Variants in KIF26B observed in about 807,000 individuals in gnomAD.
The protein encoded by KIF26B is kinesin family member 26B, also known as kinesin-like protein KIF26B.
A neutral mutation model predicts 151.2 loss-of-function variants in KIF26B; 63 were observed. That is an observed-to-expected ratio of 0.42 (90% CI 0.34 to 0.51). The LOEUF is 0.51. KIF26B is among the 20% of genes least tolerant of loss of function. KIF26B has a pLI of 0.07. For missense variants in KIF26B, 2,813 were observed against 2,913.6 expected, an observed-to-expected ratio of 0.97 and a Z score of 0.79; for synonymous variants, 1,357 against 1,262.1, an observed-to-expected ratio of 1.08 and a Z score of -1.59.
At position 245,495,648 on chromosome 1, in the gene KIF26B, TC is replaced by T. The variant is rs1660497839; in HGVS notation, c.1167-45117del. ...GTATCCATTAATGAACCTCTCCCCA[TC>T]CACCTCTCCTTCCTACCTTTCTCAG... On this transcript the variant is annotated intron_variant, in intron 4 of 14. Transcript: ENST00000407071. The surrounding 1 kb of genome is among the most constrained non-coding windows in gnomAD (Gnocchi z 4.2). 6.6e-6 allele frequency among the ~76,000 whole-genome samples: 1 copy of T among 152,200 alleles called. No homozygotes were observed. Among genetic ancestry groups the T allele is most frequent in the Non-Finnish European group, 1.5e-5 (1 of 68,036 alleles).
intron 5 of KIF26B, among the ~76,000 whole-genome samples, chr1:245,552,122 G>GGTGTGTGTGTGT (rs55650522): frequency 2.4e-4 from 32 of 131,612 alleles, no homozygotes; most frequent in South Asian, 7.8e-4. Flanking sequence ...GAACCAGCAG[G>GGTGTGTGTGTGT]GTGTGTGTGT....
At chr1:245,169,564 G>A (rs897196478) in intron 2 of KIF26B, among the ~76,000 whole-genome samples, 2 of 151,444 alleles carry the variant, frequency 1.3e-5, no homozygotes, top group Admixed American at 6.6e-5. Context: ...CAGAGGAAGC[G>A]GTTGGCAGCT....
intron 4 of KIF26B, among the ~76,000 whole-genome samples, chr1:245,514,628 G>A (rs2103086001): frequency 6.6e-6 from 1 of 152,264 alleles, no homozygotes; most frequent in South Asian, 2.1e-4. Flanking sequence ...AATGACCTGT[G>A]AAAAATGCCT....
chr1:245,658,227 A>T (rs899956976), intron 10 of KIF26B, among the ~76,000 whole-genome samples: 1 of 152,098 alleles, frequency 6.6e-6, no homozygotes, highest in African/African-American at 2.4e-5. Context: ...CTTAATCTTC[A>T]TTGCTGTACG....
Position 245,227,200 on chromosome 1 carries a change from G to T in KIF26B, c.465+70517G>T, listed in dbSNP as rs945421928. Among the ~76,000 whole-genome samples, 1 of 152,102 alleles carries T rather than the reference G, an allele frequency of 6.6e-6. No individual in the cohort carries two copies. Among genetic ancestry groups the T allele is most frequent in the Non-Finnish European group, 1.5e-5 (1 of 68,018 alleles). ...TGTCTGTCTGGTTGAGCTGAAACGT[G>T]GGCAGATCAGAAAGGAAGGAAAACT... On this transcript the variant is annotated intron_variant, in intron 2 of 14. Transcript: ENST00000407071. This position sits in a 1 kb window ranked among gnomAD's most constrained non-coding sequence, Gnocchi z 4.1.
chr1:245,486,381 GC>G (rs1267901925), intron 4 of KIF26B, among the ~76,000 whole-genome samples: 3 of 110,706 alleles, frequency 2.7e-5, no homozygotes, highest in Non-Finnish European at 6.2e-5. Context: ...GATAGAGTTG[GC>G]AATTTAAGGG....
chr1:245,460,754 TG>T (rs1208993593), intron 4 of KIF26B, among the ~76,000 whole-genome samples: 3 of 152,208 alleles, frequency 2.0e-5, no homozygotes, highest in Non-Finnish European at 2.9e-5. Flanking sequence ...TGTATCGGTG[TG>T]GGTATGTGCA....
intron 4 of KIF26B, among the ~76,000 whole-genome samples, chr1:245,434,997 A>ATCCATCCATCCATCCATCTC (rs1658871317): frequency 2.7e-5 from 4 of 149,094 alleles, no homozygotes; most frequent in Admixed American, 2.7e-4. Flanking sequence ...CCATCCATCC[A>ATCCATCCATCCATCCATCTC]TCCATCCATC....
chr1:245,436,005 C>T (rs879503112), intron 4 of KIF26B, among the ~76,000 whole-genome samples: 7 of 152,014 alleles, frequency 4.6e-5, no homozygotes, highest in South Asian at 2.1e-4. Flanking sequence ...GACAAAACCC[C>T]GTCCCTACTA....
rs1008982099 is a variant in KIF26B at position 245,244,586 on chromosome 1, C to G, written c.465+87903C>G. Among the ~76,000 whole-genome samples, 3 of 152,070 alleles carry G rather than the reference C, an allele frequency of 2.0e-5. No individual in the cohort carries two copies. The highest frequency in any genetic ancestry group is 7.2e-5 in the African/African-American group (3 of 41,426). On this transcript the variant is annotated intron_variant, in intron 2 of 14. Transcript: ENST00000407071. The surrounding 1 kb of genome is among the most constrained non-coding windows in gnomAD (Gnocchi z 4.2). The stretch of plus-strand genomic sequence containing the variant: ...TGAGGGGGACATTTACGTCATGGAA[C>G]ACAGAGGAAGACTCATGAAATGGCA...
At chr1:245,501,363 C>T (rs967645147) in intron 4 of KIF26B, among the ~76,000 whole-genome samples, 9 of 152,116 alleles carry the variant, frequency 5.9e-5, no homozygotes, top group Admixed American at 1.3e-4. Flanking sequence ...TAGACAGCTC[C>T]GAGAACCTGG....
chr1:245,634,448 G>T (rs1014664657), intron 9 of KIF26B, among the ~76,000 whole-genome samples: 3 of 152,178 alleles, frequency 2.0e-5, no homozygotes, highest in Admixed American at 2.0e-4. Flanking sequence ...CATTAAGTAT[G>T]ATGTTAGCTT....
At chr1:245,635,586 C>T (rs569829065) in intron 9 of KIF26B, among the ~76,000 whole-genome samples, 2 of 152,034 alleles carry the variant, frequency 1.3e-5, no homozygotes, top group South Asian at 4.2e-4. Flanking sequence ...ATCGACTTTT[C>T]TCCATTGTTT....
intron 2 of KIF26B, among the ~76,000 whole-genome samples, chr1:245,191,347 C>A (rs1343591138): frequency 2.7e-5 from 4 of 148,860 alleles, no homozygotes; most frequent in Non-Finnish European, 6.0e-5. Context: ...TGATGGCAGA[C>A]GCCTGTAATC....
chr1:245,342,910 AC>A (rs1350788570), intron 2 of KIF26B, among the ~76,000 whole-genome samples: 1 of 151,796 alleles, frequency 6.6e-6, no homozygotes, highest in Non-Finnish European at 1.5e-5. Context: ...ACATGGTGAA[AC>A]CCCGTCTCTG....
intron 2 of KIF26B, among the ~76,000 whole-genome samples, chr1:245,284,308 A>G (rs1671127657): frequency 6.6e-6 from 1 of 152,170 alleles, no homozygotes; most frequent in Admixed American, 6.5e-5. Context: ...TATTCCTTAT[A>G]ATTTTATCTC....
At chr1:245,525,423 A>G (rs933345880) in intron 4 of KIF26B, among the ~76,000 whole-genome samples, 8 of 152,224 alleles carry the variant, frequency 5.3e-5, no homozygotes, top group African/African-American at 1.9e-4. Context: ...ATAGAGAGAA[A>G]GCACAGTTAT....
chr1:245,181,308 G>A (rs1668901989), intron 2 of KIF26B, among the ~76,000 whole-genome samples: 1 of 152,102 alleles, frequency 6.6e-6, no homozygotes, highest in Non-Finnish European at 1.5e-5. Context: ...CCCTGAGAAG[G>A]CGGCGTGTTC....
At chr1:245,701,198 G>A (rs1558281351) in intron 14 of KIF26B, among the ~76,000 whole-genome samples, 1 of 152,146 alleles carries the variant, frequency 6.6e-6, no homozygotes, top group African/African-American at 2.4e-5. Flanking sequence ...TACATGAAAG[G>A]GGAAATATAT....
Sources: allele counts gnomAD v4.1 joint callset (sites outside exome capture counted in the v4.1 genomes callset), GRCh38; gene constraint gnomAD v4.1.1; non-coding constraint Gnocchi (gnomAD v3.1); transcripts MANE v1.5; gene names NCBI Gene and HGNC (gene_info 2026-07-23, HGNC 2026-07-21).